The following PPM1H variants were observed in gnomAD, a reference collection of about 807,000 sequenced individuals.
PPM1H encodes protein phosphatase 1H.
A neutral mutation model predicts 54.9 loss-of-function variants in PPM1H; 27 were observed. The observed-to-expected ratio is 0.49, with a 90% CI of 0.36 to 0.68. The LOEUF is 0.68. Ranked by LOEUF, PPM1H falls within the 30% of genes least tolerant of loss-of-function variation. The probability of loss-of-function intolerance (pLI) is 0.00; values close to 1 mark genes in which losing one functional copy is unlikely to be tolerated. For synonymous variants in PPM1H, 305 were observed against 270.8 expected (o/e 1.13, Z -1.24); for missense variants, 596 against 667.8 (o/e 0.89, Z 1.19).
In PPM1H at chr12:62,878,626, T is replaced by TAAAAA. The variant is rs34587900; in HGVS notation, c.246-46352_246-46348dup. On this transcript the variant is annotated intron_variant, in intron 1 of 9. Transcript: ENST00000228705. ...TTTTGTTTGAAACAATGATTACGCT[T>TAAAAA]AAAAAAAAAAAAAAAAAAAAAAAAA... Among the ~76,000 whole-genome samples, 165 of 81,572 alleles carry TAAAAA rather than the reference T, an allele frequency of 2.0e-3. 26 individuals are homozygous for TAAAAA. Among genetic ancestry groups the TAAAAA allele is most frequent in the Middle Eastern group, 8.9e-3 (1 of 112 alleles). 53.5% of individuals were successfully genotyped at this position (81,572 alleles called of 152,430 possible).
Position 62,667,179 on chromosome 12 carries a change from T to C in PPM1H, c.1396A>G (p.Arg466Gly). 6.3e-7 allele frequency: 1 copy of C among 1,587,208 alleles called. No homozygotes were observed. Among genetic ancestry groups the C allele is most frequent in the South Asian group, 1.1e-5 (1 of 89,468 alleles). The change falls in exon 9 of 10, where the codon AGG becomes GGG. Residue 466 changes from arginine to glycine, a missense_variant and splice_region_variant. Around this residue, in one of 3 missense-constraint regions of PPM1H, gnomAD observed 208 missense variants for 259.5 expected, o/e 0.80. Transcript: ENST00000228705. ...CTACAATTGTAGAAATGCACAAACC[T>C]GTGAGGATCATCTGGATCACAGTTA... ...LPNCDPDDPH[R>G]YTLAAQDLVM...
At chr12:62,926,654 G>A (rs768821509) in intron 1 of PPM1H, among the ~76,000 whole-genome samples, 41 of 152,004 alleles carry the variant, frequency 2.7e-4, no homozygotes, top group African/African-American at 4.4e-4. Context: ...CAGGAAAACC[G>A]TAAAAAGATC....
At chr12:62,857,665 A>G (rs571692140) in intron 1 of PPM1H, among the ~76,000 whole-genome samples, 1 of 152,266 alleles carries the variant, frequency 6.6e-6, no homozygotes, top group South Asian at 2.1e-4. Flanking sequence ...TTTAAATTTT[A>G]TTTAAGCCCT....
chr12:62,785,456 C>T (rs1425906588), intron 4 of PPM1H, among the ~76,000 whole-genome samples: 1 of 152,202 alleles, frequency 6.6e-6, no homozygotes, highest in Non-Finnish European at 1.5e-5. Context: ...GGATTATAGG[C>T]GTGAACCACC....
chr12:62,787,772 C>T (rs138974510), intron 4 of PPM1H, among the ~76,000 whole-genome samples: 43 of 152,306 alleles, frequency 2.8e-4, no homozygotes, highest in African/African-American at 1.0e-3. Context: ...TGAACCCGGA[C>T]GTGAGGCAAC....
chr12:62,720,373 G>A (rs1192577691), intron 5 of PPM1H, 84 bp from the exon 6 acceptor site: 1 of 1,056,702 alleles, frequency 9.5e-7, no homozygotes, highest in African/African-American at 1.6e-5. Flanking sequence ...TTTGCAAATT[G>A]AGACAGGCCA....
chr12:62,666,613 G>A (rs1244346062), intron 9 of PPM1H, among the ~76,000 whole-genome samples: 1 of 152,194 alleles, frequency 6.6e-6, no homozygotes, highest in African/African-American at 2.4e-5. Context: ...GTAAAAATGT[G>A]AGAAAGGTAT....
chr12:62,663,409 AC>A (rs1379237627), intron 9 of PPM1H, among the ~76,000 whole-genome samples: 2 of 151,384 alleles, frequency 1.3e-5, no homozygotes, highest in African/African-American at 4.9e-5. Flanking sequence ...CTGGTCTTGA[AC>A]TCCCAGGTTC....
intron 4 of PPM1H, among the ~76,000 whole-genome samples, chr12:62,761,025 A>G (rs1424495598): frequency 6.6e-6 from 1 of 152,248 alleles, no homozygotes; most frequent in Non-Finnish European, 1.5e-5. Flanking sequence ...GTCAAAAAAG[A>G]TAAGGACTAA....
intron 5 of PPM1H, among the ~76,000 whole-genome samples, chr12:62,737,217 T>TAAAAA (rs111659461): frequency 5.2e-5 from 7 of 134,298 alleles, no homozygotes; most frequent in South Asian, 2.4e-4. Flanking sequence ...AAGAAGCCAT[T>TAAAAA]AAAAAAAAAA....
At position 62,770,017 on chromosome 12, in the gene PPM1H, T is replaced by C. The variant is rs551647594; in HGVS notation, c.869+18209A>G. ...ACCAGTGGAGATATTTAACCTTTTA[T>C]CTGCAGCTATTTGCTTAGGAACAAA... is the stretch of plus-strand genomic sequence containing the variant. On this transcript the variant is annotated intron_variant, in intron 4 of 9. Transcript: ENST00000228705. Among the ~76,000 whole-genome samples the C allele has an allele frequency of 1.6e-4, 24 of 151,886 alleles. No homozygotes were observed. In the South Asian group the frequency reaches 4.0e-3, roughly 25 times the overall value.
intron 4 of PPM1H, among the ~76,000 whole-genome samples, chr12:62,769,872 G>A (rs1398914856): frequency 6.6e-6 from 1 of 152,110 alleles, no homozygotes; most frequent in Non-Finnish European, 1.5e-5. Flanking sequence ...AAAGAGGGAG[G>A]GTATGGTAAC....
chr12:62,788,236 C>T lies in PPM1H; in HGVS notation c.859G>A (p.Gly287Arg). The T allele has an allele frequency of 6.3e-7, 1 of 1,589,412 alleles. No homozygotes were observed. The highest frequency in any genetic ancestry group is 8.6e-7 in the Non-Finnish European group (1 of 1,165,150). ...AGCTCATCTGCTTACCTGCTATCCC[C>T]AGCATTTGCAACATACAGCTTCCCC... ...LLGKLYVANA[G>R]DSRAIIIRNG... is the part of the protein sequence containing the mutation. Residue 287 changes from glycine (G) to arginine (R), a missense_variant, in exon 4 of 10, where the codon GGG (glycine) becomes AGG (arginine). Around this residue, in one of 3 missense-constraint regions of PPM1H, gnomAD observed 382 missense variants for 387.1 expected, o/e 0.99. Transcript: ENST00000228705.
chr12:62,761,645 C>A (rs766125155), intron 4 of PPM1H, among the ~76,000 whole-genome samples: 4 of 151,876 alleles, frequency 2.6e-5, no homozygotes, highest in Non-Finnish European at 4.4e-5. Context: ...CCCTCATTTC[C>A]CCATAAAAAA....
intron 7 of PPM1H, 135 bp from the exon 8 acceptor site, chr12:62,689,941 C>T: frequency 1.8e-6 from 1 of 569,610 alleles, no homozygotes; most frequent in Non-Finnish European, 3.2e-6. Flanking sequence ...AGGCCCCTTG[C>T]TGCTAACATA....
chr12:62,870,623 T>A (rs1351381045), intron 1 of PPM1H, among the ~76,000 whole-genome samples: 2 of 152,238 alleles, frequency 1.3e-5, no homozygotes. Flanking sequence ...GTTTCTGGCT[T>A]TGTCGACAGG....
chr12:62,930,910 T>C (rs919647236), intron 1 of PPM1H, among the ~76,000 whole-genome samples: 1 of 152,154 alleles, frequency 6.6e-6, no homozygotes, highest in Non-Finnish European at 1.5e-5. Context: ...TTTTCAGCTG[T>C]AATAGGAAGC....
At chr12:62,808,602 T>C (rs991665742) in intron 2 of PPM1H, among the ~76,000 whole-genome samples, 3 of 152,116 alleles carry the variant, frequency 2.0e-5, no homozygotes, top group African/African-American at 7.2e-5. Flanking sequence ...TTCTAGCCCT[T>C]ACTCAAATCC....
chr12:62,788,377 A>T (rs983456011), intron 3 of PPM1H, 39 bp from the exon 4 acceptor site: 62 of 1,282,688 alleles, frequency 4.8e-5, no homozygotes, highest in Non-Finnish European at 6.6e-5. Context: ...ATTGTGCAGG[A>T]TGTGTAGCAA....
Sources: allele counts gnomAD v4.1 joint callset (sites outside exome capture counted in the v4.1 genomes callset), GRCh38; gene constraint gnomAD v4.1.1; regional missense constraint gnomAD v4.1.1; transcripts MANE v1.5; gene names NCBI Gene and HGNC (gene_info 2026-07-23, HGNC 2026-07-21).